ZNF607: variants seen among roughly 807,000 people sequenced by gnomAD.
ZNF607 encodes the protein zinc finger protein 607.
A neutral mutation model predicts 12.8 loss-of-function variants in ZNF607; 5 were observed. The observed-to-expected ratio is 0.39, with a 90% CI of 0.20 to 0.82. The LOEUF is 0.82. Among genes scored for constraint, ZNF607 ranks in the 40% least tolerant of loss-of-function variants. The pLI is 0.39. For missense variants in ZNF607, 851 were observed against 859.2 expected (o/e 0.99, Z 0.12); for synonymous variants, 287 against 276.2 (o/e 1.04, Z -0.39).
At chr19:37,714,361 G>GCAACAA (rs2045157677) in intron 1 of ZNF607, among the ~76,000 whole-genome samples, 2 of 150,478 alleles carry the variant, frequency 1.3e-5, no homozygotes, top group South Asian at 4.2e-4. Context: ...AGCAGCAGCA[G>GCAACAA]CAGCAACAAC....
At chr19:37,712,629 GCA>G (rs1202862372) in intron 1 of ZNF607, among the ~76,000 whole-genome samples, 11 of 152,268 alleles carry the variant, frequency 7.2e-5, no homozygotes, top group Middle Eastern at 6.8e-3. Flanking sequence ...CCTTTGCTTA[GCA>G]ACTTCCCATA....
rs540325642 is a variant in ZNF607 at position 37,698,408 on chromosome 19, T to C, written c.1723A>G (p.Ser575Gly). The C allele has an allele frequency of 1.2e-4, 196 of 1,614,198 alleles. No individual in the cohort carries two copies. The South Asian group carries it at 2.0e-3, about 16-fold the overall frequency. ...TGAGTTCGGTCATGATATATGAGGC[T>C]TGTGGCATGACGAAAGGCCTTGCCA... is the stretch of plus-strand genomic sequence containing the variant. ...ECGKAFRHATSLIYHDRTHAG... is the reference protein window; with the variant it reads ...ECGKAFRHATGLIYHDRTHAG... Residue 575 changes from serine (S) to glycine (G), a missense_variant, in exon 5 of 5, where the codon AGC becomes GGC. Transcript: ENST00000355202.
rs771243900 is a variant in ZNF607, at chr19:37,698,438, C to T, written c.1693G>A (p.Glu565Lys). The change falls in exon 5 of 5, where the codon GAA becomes AAA. Residue 565 changes from glutamate (E) to lysine (K), a missense_variant. Coordinates refer to ENST00000355202, the MANE Select transcript of ZNF607 (RefSeq NM_032689.5). Reference sequence around the variant, plus strand: ...GCATGACGAAAGGCCTTGCCACATTCCTTACATTCGTAGGGTTTCTCAGCG... The same window carrying T: ...GCATGACGAAAGGCCTTGCCACATTTCTTACATTCGTAGGGTTTCTCAGCG... ...HSAEKPYECK[E>K]CGKAFRHATS... is the part of the protein sequence containing the mutation. 6.2e-7 allele frequency: 1 copy of T among 1,614,112 alleles called. No individual in the cohort carries two copies. Among genetic ancestry groups the T allele is most frequent in the Admixed American group, 1.7e-5 (1 of 60,000 alleles).
At chr19:37,713,322 C>T (rs1599669024) in intron 1 of ZNF607, among the ~76,000 whole-genome samples, 1 of 152,024 alleles carries the variant, frequency 6.6e-6, no homozygotes, top group East Asian at 1.9e-4. Context: ...TTTGACTTTC[C>T]TTCATAGACT....
intron 4 of ZNF607, among the ~76,000 whole-genome samples, chr19:37,702,753 A>G (rs1168621359): frequency 6.6e-6 from 1 of 152,202 alleles, no homozygotes; most frequent in African/African-American, 2.4e-5. Flanking sequence ...ATACATGGAA[A>G]TTATAACATG....
In ZNF607 at chr19:37,707,970, T is replaced by A; in HGVS notation, c.179A>T (p.Glu60Val). Residue 60 changes from glutamate to valine, a missense_variant, in exon 4 of 5, where the codon GAG becomes GTG. Glu to Val is a moderately radical substitution (Grantham distance 121). Coordinates refer to ENST00000355202, the MANE Select transcript of ZNF607 (RefSeq NM_032689.5). ...VSKPDLITLL[E>V]QGKEPWMIVR... The stretch of plus-strand genomic sequence containing the variant: ...AATCATCCATGGCTCTTTTCCTTGC[T>A]CCAATAAGGTGATTAAATCTGGCTT... The A allele has an allele frequency of 6.2e-7, 1 of 1,614,078 alleles. No homozygotes were observed. The highest frequency in any genetic ancestry group is 8.5e-7 in the Non-Finnish European group (1 of 1,180,000).
intron 4 of ZNF607, among the ~76,000 whole-genome samples, chr19:37,702,421 T>A (rs988997476): frequency 3.3e-5 from 5 of 151,388 alleles, no homozygotes; most frequent in Non-Finnish European, 7.4e-5. Flanking sequence ...GAAATAGCAA[T>A]TGAAAACATC....
At position 37,698,398 on chromosome 19, in the gene ZNF607, T is replaced by C. The variant is rs1294208611; in HGVS notation, c.1733A>G (p.Tyr578Cys). Residue 578 changes from tyrosine to cysteine, a missense_variant, in exon 5 of 5, where the codon TAT (tyrosine) becomes TGT (cysteine). Transcript: ENST00000355202. ...KAFRHATSLI[Y>C]HDRTHAGEKS... is the part of the protein sequence containing the mutation. ...TTCACCAGCATGAGTTCGGTCATGA[T>C]ATATGAGGCTTGTGGCATGACGAAA... The C allele has an allele frequency of 6.2e-7, 1 of 1,614,206 alleles. No homozygotes were observed. Among genetic ancestry groups the C allele is most frequent in the Admixed American group, 1.7e-5 (1 of 60,026 alleles).
At position 37,696,547 on chromosome 19, in the gene ZNF607, C is replaced by T. The variant is rs2044975580; in HGVS notation, c.*1493G>A. On this transcript the variant is annotated 3_prime_UTR_variant, in exon 5 of 5. Coordinates refer to ENST00000355202, the MANE Select transcript of ZNF607 (RefSeq NM_032689.5). ...ATTTCAGTGATTTCTGGGGTGAGGG[C>T]GAAAGGTGGTGTTACGAATCATCGG... The T allele has an allele frequency of 8.6e-6, 4 of 465,250 alleles. No homozygotes were observed. Among genetic ancestry groups the T allele is most frequent in the Admixed American group, 3.7e-5 (1 of 27,304 alleles). The allele number at this position is 465,250 out of a possible 1,614,324, so 28.8% of individuals were successfully genotyped here. A position where few individuals can be genotyped will look rare whatever the true frequency, so the allele number is the denominator to read the frequency against.
chr19:37,704,724 C>A (rs920888395), intron 4 of ZNF607, among the ~76,000 whole-genome samples: 1 of 152,104 alleles, frequency 6.6e-6, no homozygotes, highest in African/African-American at 2.4e-5. Context: ...CAGCACCGGG[C>A]GAGCGGGCGG....
chr19:37,705,052 T>C (rs2045069691), intron 4 of ZNF607, among the ~76,000 whole-genome samples: 1 of 151,598 alleles, frequency 6.6e-6, no homozygotes, highest in South Asian at 2.1e-4. Flanking sequence ...ATAAAAATAA[T>C]AATCATCAGA....
At chr19:37,714,205 C>T (rs1038055013) in intron 1 of ZNF607, among the ~76,000 whole-genome samples, 1 of 151,748 alleles carries the variant, frequency 6.6e-6, no homozygotes, top group Admixed American at 6.6e-5. Context: ...GCCTGTAGTC[C>T]CAGCCACTTG....
chr19:37,707,449 C>CA (rs1194708876), intron 4 of ZNF607, among the ~76,000 whole-genome samples: 6 of 151,282 alleles, frequency 4.0e-5, no homozygotes, highest in South Asian at 2.1e-4. Flanking sequence ...ATCTCAAAAA[C>CA]AAAAAAAAGG....
intron 4 of ZNF607, among the ~76,000 whole-genome samples, chr19:37,701,280 T>C (rs1231749041): frequency 6.6e-6 from 1 of 152,220 alleles, no homozygotes; most frequent in East Asian, 1.9e-4. Context: ...AAATTTCTCT[T>C]CAAAGAATTA....
Position 37,699,063 on chromosome 19 carries a change from A to G in ZNF607, c.1068T>C (p.His356=), listed in dbSNP as rs1313078147. The change falls in exon 5 of 5, where the codon CAT becomes CAC. Residue 356 remains histidine (H), a synonymous_variant. Transcript: ENST00000355202. ...AAGGTTTCTCAACACTTTCAAATGT[A>G]TGAGGTGCAGTAAGTTGATGGCCAC... is the stretch of plus-strand genomic sequence containing the variant. ...FSSGHQLTAP[H]TFESVEKPYK... 1 of 1,614,074 alleles carries G rather than the reference A, an allele frequency of 6.2e-7. No homozygotes were observed. Among genetic ancestry groups the G allele is most frequent in the Non-Finnish European group, 8.5e-7 (1 of 1,179,994 alleles).
intron 1 of ZNF607, among the ~76,000 whole-genome samples, chr19:37,714,925 G>A (rs887312442): frequency 6.6e-6 from 1 of 151,452 alleles, no homozygotes; most frequent in Non-Finnish European, 1.5e-5. Context: ...TTCTTTTTTT[G>A]AAATGGAGTC....
In ZNF607 at chr19:37,711,563, T is replaced by TA. The variant is rs540223977; in HGVS notation, c.9+46dup. 2.1e-3 allele frequency: 3,407 copies of TA among 1,608,996 alleles called. 12 individuals are homozygous for TA. The highest frequency in any genetic ancestry group is 2.7e-3 in the Non-Finnish European group (3,116 of 1,175,656). ...AAATGATGAGAAGACATACATGACC[T>TA]AAAAAATCACACACAAACCTCCACA... On this transcript the variant is annotated intron_variant, in intron 2 of 4. Transcript: ENST00000355202.
chr19:37,697,360 C>G lies in ZNF607; in HGVS notation c.*680G>C, dbSNP rs998010555. 3 of 1,516,168 alleles carry G rather than the reference C, an allele frequency of 2.0e-6. No homozygotes were observed. The highest frequency in any genetic ancestry group is 2.7e-6 in the Non-Finnish European group (3 of 1,105,912). The allele number at this position is 1,516,168 out of a possible 1,614,324, so 93.9% of individuals were successfully genotyped here. A position where few individuals can be genotyped will look rare whatever the true frequency, so the allele number is the denominator to read the frequency against. On this transcript the variant is annotated 3_prime_UTR_variant, in exon 5 of 5. Transcript: ENST00000355202. ...ACCATGCCTCCTGCAACAGCTAAGGCCAGGCCAAACTTGCCGATGGACTCA... is the reference window on the plus strand; with the variant it reads ...ACCATGCCTCCTGCAACAGCTAAGGGCAGGCCAAACTTGCCGATGGACTCA...
Position 37,699,788 on chromosome 19 carries a change from CAT to C in ZNF607, c.341_342del (p.Tyr114Ter), listed in dbSNP as rs757910712. On this transcript the variant is annotated frameshift_variant, in exon 5 of 5. Coordinates refer to ENST00000355202, the MANE Select transcript of ZNF607 (RefSeq NM_032689.5). LOFTEE classifies it low-confidence loss of function (END_TRUNC). The stretch of plus-strand genomic sequence containing the variant: ...AAGGACTTCTGACATTGCTTACACT[CAT>C]ATGGTTTCTGTCCATTATGAATTCT... ...HQRIHNGQKPYECKQCQKSFS... is the reference protein window; with the variant it reads ...HQRIHNGQKPXECKQCQKSFS... 4.8e-5 allele frequency: 77 copies of C among 1,613,970 alleles called. No individual in the cohort carries two copies. In the African/African-American group the frequency reaches 9.5e-4, roughly 20 times the overall value.
Sources: gnomAD v4.1 joint callset for allele counts (sites outside exome capture counted in the v4.1 genomes callset) on GRCh38, gnomAD v4.1.1 for gene constraint, MANE v1.5 for transcripts, NCBI Gene and HGNC (gene_info 2026-07-23, HGNC 2026-07-21) for gene names.